The following NCALD variants were observed in gnomAD, a reference collection of about 807,000 sequenced individuals.
NCALD encodes the protein neurocalcin-delta.
Under a neutral mutation model 18.6 loss-of-function variants are expected in NCALD, and 10 were observed. The ratio of observed to expected loss-of-function variants is 0.54; its 90% CI spans 0.33 to 0.91. The LOEUF is 0.91. Ranked by LOEUF, NCALD falls within the 40% of genes least tolerant of loss-of-function variation. The pLI is 0.03. For synonymous variants in NCALD, 88 were observed against 87.4 expected (o/e 1.01, Z -0.04); for missense variants, 184 against 247.6 (o/e 0.74, Z 1.72).
At chr8:101,763,625 G>A (rs1269102797) in intron 1 of NCALD, among the ~76,000 whole-genome samples, 5 of 152,132 alleles carry the variant, frequency 3.3e-5, no homozygotes. Context: ...TACCATTTGA[G>A]TCAGCAGACT....
intron 2 of NCALD, chr8:101,693,191 C>A: frequency 3.3e-6 from 1 of 304,540 alleles, no homozygotes; most frequent in South Asian, 3.2e-5. Context: ...CATTCTGTCA[C>A]CCAGGCTGGA....
chr8:101,955,766 A>G (rs1270260106), intron 2 of NCALD, among the ~76,000 whole-genome samples: 1 of 152,222 alleles, frequency 6.6e-6, no homozygotes, highest in African/African-American at 2.4e-5. Context: ...CTGATCTTAA[A>G]AATAGTTATA....
chr8:101,689,642 G>A lies in NCALD; in HGVS notation c.485-236C>T, dbSNP rs543584346. Among the ~76,000 whole-genome samples the A allele has an allele frequency of 4.5e-4, 69 of 152,334 alleles. No homozygotes were observed. Among genetic ancestry groups the A allele is most frequent in the Admixed American group, 3.8e-3 (58 of 15,310 alleles). ...ACAGTACATGTGGCAATCAAACGCC[G>A]CTGCCTGAGAGCCCACTGTGTGCCC... On this transcript the variant is annotated intron_variant, in intron 3 of 3. Coordinates refer to ENST00000220931, the MANE Select transcript of NCALD (RefSeq NM_032041.3). The surrounding 1 kb of genome is among the most constrained non-coding windows in gnomAD (Gnocchi z 4.4).
chr8:101,702,642 C>T (rs1815322862), intron 2 of NCALD, among the ~76,000 whole-genome samples: 1 of 152,214 alleles, frequency 6.6e-6, no homozygotes, highest in Non-Finnish European at 1.5e-5. Context: ...CCTTTTATAA[C>T]TTGAAGACTT....
Position 102,033,067 on chromosome 8 carries a change from G to C in NCALD, c.-209-12778C>G, listed in dbSNP as rs527927356. Among the ~76,000 whole-genome samples the C allele has an allele frequency of 2.0e-5, 3 of 152,184 alleles. No homozygotes were observed. In the South Asian group the frequency reaches 6.2e-4, roughly 32 times the overall value. On this transcript the variant is annotated intron_variant, in intron 1 of 6. Coordinates refer to the NCALD transcript ENST00000311028. ...GAAATAAACATTTCCTGTGGATATG[G>C]GTTTGCCTTTTGTAAGTACCACCGA...
At chr8:102,085,697 A>G (rs1252003178) in intron 1 of NCALD, among the ~76,000 whole-genome samples, 3 of 151,628 alleles carry the variant, frequency 2.0e-5, no homozygotes, top group Non-Finnish European at 4.4e-5. Context: ...GGTTGCAATG[A>G]GCTGAGATTG....
chr8:101,721,111 A>T (rs1241336239), intron 1 of NCALD: 1 of 152,202 alleles, frequency 6.6e-6, no homozygotes, highest in African/African-American at 2.4e-5. Flanking sequence ...TGTGGTCAAG[A>T]TAAACCCCAT....
At chr8:101,692,117 A>AT in intron 3 of NCALD, 1 of 981,322 alleles carries the variant, frequency 1.0e-6, no homozygotes, top group Non-Finnish European at 1.2e-6. Flanking sequence ...AAATTCCAGG[A>AT]TAATTGGGCC....
At chr8:101,766,069 C>T (rs925630155) in intron 1 of NCALD, among the ~76,000 whole-genome samples, 1 of 152,162 alleles carries the variant, frequency 6.6e-6, no homozygotes, top group African/African-American at 2.4e-5. Context: ...CGCAACCCAC[C>T]AACATCTCCT....
At chr8:101,760,584 G>A (rs760637759) in intron 1 of NCALD, among the ~76,000 whole-genome samples, 7 of 152,224 alleles carry the variant, frequency 4.6e-5, no homozygotes, top group Admixed American at 6.5e-5. Context: ...AGAAAAGCCA[G>A]CGTGCATTCG....
chr8:101,787,203 A>G (rs1812260891), intron 1 of NCALD, among the ~76,000 whole-genome samples: 2 of 152,220 alleles, frequency 1.3e-5, no homozygotes, highest in Admixed American at 1.3e-4. Flanking sequence ...CTGGCTTGAG[A>G]AGCAAACAGT....
At chr8:102,110,142 C>A (rs980938915) in intron 1 of NCALD, among the ~76,000 whole-genome samples, 4 of 152,112 alleles carry the variant, frequency 2.6e-5, no homozygotes, top group African/African-American at 9.7e-5. Context: ...AGGAAACGAG[C>A]CATCAGAGCT....
chr8:101,901,798 C>CT (rs111894898), intron 3 of NCALD, among the ~76,000 whole-genome samples: 10,294 of 148,858 alleles, frequency 0.069, 713 homozygotes, highest in African/African-American at 0.18. Context: ...CTTTTCTCTT[C>CT]TTTTTTTTTT....
intron 1 of NCALD, among the ~76,000 whole-genome samples, chr8:102,036,280 T>C (rs1822861898): frequency 6.6e-6 from 1 of 151,668 alleles, no homozygotes; most frequent in African/African-American, 2.4e-5. Context: ...ATCTAACCAC[T>C]GCACTCCAGA....
At chr8:101,839,258 T>C (rs1188854610) in intron 4 of NCALD, among the ~76,000 whole-genome samples, 1 of 151,846 alleles carries the variant, frequency 6.6e-6, no homozygotes, top group Non-Finnish European at 1.5e-5. Context: ...GGGCCAGATC[T>C]AGACCTTGGG....
chr8:101,768,084 G>A (rs1019371387), intron 1 of NCALD, among the ~76,000 whole-genome samples: 1 of 152,222 alleles, frequency 6.6e-6, no homozygotes, highest in Non-Finnish European at 1.5e-5. Context: ...CATTTCACAT[G>A]TAGTAAGGGG....
chr8:102,107,858 G>A (rs531005338), intron 1 of NCALD, among the ~76,000 whole-genome samples: 4 of 152,240 alleles, frequency 2.6e-5, no homozygotes, highest in East Asian at 1.9e-4. Flanking sequence ...AAGACATAGC[G>A]TCTCAGTGCC....
At chr8:101,881,535 T>G (rs1188746304) in intron 4 of NCALD, among the ~76,000 whole-genome samples, 1 of 152,224 alleles carries the variant, frequency 6.6e-6, no homozygotes, top group Non-Finnish European at 1.5e-5. Context: ...AGAATTGATT[T>G]CATTAAATGT....
At chr8:101,804,414 ATAC>A (rs553717867) in intron 4 of NCALD, among the ~76,000 whole-genome samples, 2,492 of 134,296 alleles carry the variant, frequency 0.019, 37 homozygotes, top group Non-Finnish European at 0.031. Context: ...TTCTAAATAT[ATAC>A]TATTTATAAC....
Sources: gnomAD v4.1 joint callset for allele counts (sites outside exome capture counted in the v4.1 genomes callset) on GRCh38, gnomAD v4.1.1 for gene constraint, Gnocchi (gnomAD v3.1) non-coding constraint, MANE v1.5 for transcripts, NCBI Gene and HGNC (gene_info 2026-07-23, HGNC 2026-07-21) for gene names.